The following NEGR1 variants were observed in gnomAD, a reference collection of about 807,000 sequenced individuals.
NEGR1 encodes the protein IgLON family member 4.
In NEGR1, 10 loss-of-function variants were observed where a neutral mutation model predicts 40.9. That is an observed-to-expected ratio of 0.24 (90% confidence interval 0.15 to 0.42). NEGR1 has a LOEUF of 0.42. Ranked by LOEUF, NEGR1 falls within the 10% of genes least tolerant of loss-of-function variation. NEGR1 has a pLI of 1.00. For synonymous variants in NEGR1, 185 were observed against 166.8 expected, an observed-to-expected ratio of 1.11 and a Z score of -0.84; for missense variants, 352 against 438.9, an observed-to-expected ratio of 0.80 and a Z score of 1.77.
intron 6 of NEGR1, among the ~76,000 whole-genome samples, chr1:71,470,236 C>T (rs1343501650): frequency 6.6e-6 from 1 of 151,814 alleles, no homozygotes; most frequent in African/African-American, 2.4e-5. Flanking sequence ...TTTTTTTTTC[C>T]TACTATCGAA....
intron 2 of NEGR1, among the ~76,000 whole-genome samples, chr1:71,858,415 C>T (rs572470446): frequency 7.2e-5 from 11 of 152,172 alleles, no homozygotes; most frequent in African/African-American, 2.2e-4. Context: ...CGTCTCTGAA[C>T]TCATCAAGAA....
At chr1:71,719,417 C>A (rs1173097466) in intron 3 of NEGR1, among the ~76,000 whole-genome samples, 2 of 151,914 alleles carry the variant, frequency 1.3e-5, no homozygotes, top group African/African-American at 4.8e-5. Flanking sequence ...AGAATGTAAT[C>A]ATTAATGCAT....
chr1:71,938,410 G>GTTTTTTT (rs571760372), intron 1 of NEGR1, among the ~76,000 whole-genome samples: 1 of 109,894 alleles, frequency 9.1e-6, no homozygotes. Flanking sequence ...ATGTGTAGGT[G>GTTTTTTT]TTTTTTTTTT....
chr1:72,273,995 C>T (rs201427194), intron 1 of NEGR1, among the ~76,000 whole-genome samples: 1 of 139,552 alleles, frequency 7.2e-6, no homozygotes, highest in Admixed American at 7.2e-5. Flanking sequence ...ACGTGTTGTT[C>T]TTTTTTTTTT....
chr1:71,749,580 C>A (rs1212874574), intron 3 of NEGR1, among the ~76,000 whole-genome samples: 1 of 152,094 alleles, frequency 6.6e-6, no homozygotes, highest in Non-Finnish European at 1.5e-5. Context: ...TGGGCCCTTT[C>A]ATTTGCTTGT....
At position 72,125,986 on chromosome 1, in the gene NEGR1, G is replaced by C. The variant is rs532767140; in HGVS notation, c.176+156333C>G. ...CTTTCCCAACAAAATAAATAATTCTGGTTTGCGAATAGCAATAACACTAAA... is the reference window on the plus strand; with the variant it reads ...CTTTCCCAACAAAATAAATAATTCTCGTTTGCGAATAGCAATAACACTAAA... On this transcript the variant is annotated intron_variant, in intron 1 of 6. Transcript: ENST00000357731. 2.0e-5 allele frequency among the ~76,000 whole-genome samples: 3 copies of C among 151,962 alleles called. No individual in the cohort carries two copies. In the East Asian group the frequency reaches 5.8e-4, roughly 29 times the overall value.
intron 3 of NEGR1, among the ~76,000 whole-genome samples, chr1:71,741,565 G>A (rs1432651862): frequency 1.3e-5 from 2 of 152,104 alleles, no homozygotes; most frequent in Non-Finnish European, 2.9e-5. Context: ...TGGATTAAAT[G>A]TTTATGTTCC....
intron 1 of NEGR1, among the ~76,000 whole-genome samples, chr1:72,020,696 A>C (rs1196973455): frequency 1.3e-5 from 2 of 152,182 alleles, no homozygotes; most frequent in Non-Finnish European, 2.9e-5. Context: ...CGACTACAAC[A>C]ACCACCACCA....
At chr1:72,136,928 G>A (rs1441610533) in intron 1 of NEGR1, among the ~76,000 whole-genome samples, 1 of 152,078 alleles carries the variant, frequency 6.6e-6, no homozygotes, top group African/African-American at 2.4e-5. Context: ...ATCAAAAAGT[G>A]GACGAAGGAT....
At chr1:71,560,140 G>T (rs921320108) in intron 6 of NEGR1, among the ~76,000 whole-genome samples, 2 of 151,122 alleles carry the variant, frequency 1.3e-5, no homozygotes, top group African/African-American at 4.8e-5. Context: ...TCGTTTATGA[G>T]AACTTTTTTG....
chr1:71,510,441 C>T (rs1647064935), intron 6 of NEGR1, among the ~76,000 whole-genome samples: 1 of 152,122 alleles, frequency 6.6e-6, no homozygotes. Context: ...GGTTCATTTT[C>T]AAAGCATGAT....
intron 2 of NEGR1, among the ~76,000 whole-genome samples, chr1:71,872,471 A>T (rs1434806233): frequency 6.6e-6 from 1 of 152,058 alleles, no homozygotes; most frequent in Non-Finnish European, 1.5e-5. Context: ...AACAGAAGTG[A>T]TGTGTGCCAC....
intron 3 of NEGR1, among the ~76,000 whole-genome samples, chr1:71,754,579 C>T (rs899107769): frequency 6.6e-5 from 10 of 152,070 alleles, no homozygotes; most frequent in African/African-American, 2.4e-4. Flanking sequence ...GAACCCTAAA[C>T]AGCAGTCCAG....
chr1:72,094,186 C>G (rs1241890072), intron 1 of NEGR1, among the ~76,000 whole-genome samples: 1 of 151,988 alleles, frequency 6.6e-6, no homozygotes, highest in Non-Finnish European at 1.5e-5. Context: ...AAAATAAGCT[C>G]ACAAATGAAT....
intron 2 of NEGR1, among the ~76,000 whole-genome samples, chr1:71,897,614 TA>T (rs1661008640): frequency 6.6e-6 from 1 of 152,236 alleles, no homozygotes; most frequent in African/African-American, 2.4e-5. Context: ...TTAAAGAGAT[TA>T]ACTCATACTT....
Position 71,819,014 on chromosome 1 carries a change from A to C in NEGR1, c.410-42717T>G, listed in dbSNP as rs72948063. ...TAGGCAATTGAAAGCTAGATGTAGA[A>C]GCCAGTGGGCCTTTTATATTTTATA... On this transcript the variant is annotated intron_variant, in intron 2 of 6. Coordinates refer to ENST00000357731, the MANE Select transcript of NEGR1 (RefSeq NM_173808.3). Among the ~76,000 whole-genome samples, 575 of 152,148 alleles carry C rather than the reference A, an allele frequency of 3.8e-3. 2 individuals carry two copies. The highest frequency in any genetic ancestry group is 0.013 in the African/African-American group (545 of 41,554).
intron 3 of NEGR1, among the ~76,000 whole-genome samples, chr1:71,704,753 G>A (rs1653828435): frequency 6.6e-6 from 1 of 151,700 alleles, no homozygotes; most frequent in South Asian, 2.1e-4. Flanking sequence ...AATGGAGTGG[G>A]TTAATGCTCC....
intron 2 of NEGR1, among the ~76,000 whole-genome samples, chr1:71,926,568 A>G (rs762023756): frequency 3.3e-5 from 5 of 151,816 alleles, no homozygotes; most frequent in Non-Finnish European, 5.9e-5. Flanking sequence ...TTCTGCTATG[A>G]ACTCACAAAG....
chr1:71,863,934 A>G (rs1660028835), intron 2 of NEGR1, among the ~76,000 whole-genome samples: 3 of 152,136 alleles, frequency 2.0e-5, no homozygotes, highest in Admixed American at 6.6e-5. Context: ...TCTTTCCACA[A>G]CATTTTAAGT....
Sources: allele counts gnomAD v4.1 joint callset (sites outside exome capture counted in the v4.1 genomes callset), GRCh38; gene constraint gnomAD v4.1.1; transcripts MANE v1.5; gene names NCBI Gene and HGNC (gene_info 2026-07-23, HGNC 2026-07-21).